Variants in CACNA2D2 observed in about 807,000 individuals in gnomAD.
CACNA2D2 encodes the protein calcium voltage-gated channel auxiliary subunit alpha2delta 2.
In CACNA2D2, 48 loss-of-function variants were observed where a neutral mutation model predicts 166.4. The observed-to-expected ratio is 0.29, with a 90% CI of 0.23 to 0.37. The LOEUF (loss-of-function observed/expected upper bound fraction) is 0.37. Ranked by LOEUF, CACNA2D2 falls within the 10% of genes least tolerant of loss-of-function variation. The probability of loss-of-function intolerance (pLI) is 1.00; values close to 1 mark genes in which losing one functional copy is unlikely to be tolerated. For synonymous variants in CACNA2D2, 561 were observed against 573.7 expected, an observed-to-expected ratio of 0.98 and a Z score of 0.32; for missense variants, 1,122 against 1,433.0, an observed-to-expected ratio of 0.78 and a Z score of 3.50.
chr3:50,414,480 T>C (rs1707175261), intron 3 of CACNA2D2, among the ~76,000 whole-genome samples: 1 of 152,134 alleles, frequency 6.6e-6, no homozygotes, highest in Non-Finnish European at 1.5e-5. Flanking sequence ...CTGCCTCCTC[T>C]AGGGTAAACC....
chr3:50,391,836 C>T (rs1705907390), intron 4 of CACNA2D2, among the ~76,000 whole-genome samples: 1 of 152,228 alleles, frequency 6.6e-6, no homozygotes, highest in Non-Finnish European at 1.5e-5. Flanking sequence ...CCAAGCATCT[C>T]CTCTGTGGCC....
In CACNA2D2 at chr3:50,367,837, C is replaced by A; in HGVS notation, c.2209G>T (p.Val737Leu). 6.2e-7 allele frequency: 1 copy of A among 1,613,556 alleles called. No homozygotes were observed. The highest frequency in any genetic ancestry group is 8.5e-7 in the Non-Finnish European group (1 of 1,179,908). The change falls in exon 25 of 38, where the codon GTG (valine) becomes TTG (leucine). Residue 737 changes from valine (V) to leucine (L), a missense_variant. Transcript: ENST00000424201. This position sits in a 1 kb window ranked among gnomAD's most constrained non-coding sequence, Gnocchi z 6.5. ...GTGTTGAGATCCTGGTCCCTCCACACACGCTCTACCAGCTGCTGCGTGATG... is the reference window on the plus strand; with the variant it reads ...GTGTTGAGATCCTGGTCCCTCCACAAACGCTCTACCAGCTGCTGCGTGATG... Reference protein sequence around the residue: ...TGITQQLVERVWRDQDLNTYS... With the variant: ...TGITQQLVERLWRDQDLNTYS...
intron 2 of CACNA2D2, among the ~76,000 whole-genome samples, chr3:50,447,088 G>A (rs1575700105): frequency 6.6e-6 from 1 of 152,302 alleles, no homozygotes; most frequent in African/African-American, 2.4e-5. Flanking sequence ...GTACCTTCCC[G>A]GCAGAGGAGC....
intron 2 of CACNA2D2, among the ~76,000 whole-genome samples, chr3:50,439,156 G>A (rs1708478686): frequency 6.6e-6 from 1 of 152,172 alleles, no homozygotes; most frequent in Admixed American, 6.5e-5. Flanking sequence ...AAAGCCATGG[G>A]AAAAGAGGCA....
chr3:50,386,032 C>A (rs1705587646), intron 5 of CACNA2D2, among the ~76,000 whole-genome samples: 1 of 151,498 alleles, frequency 6.6e-6, no homozygotes, highest in African/African-American at 2.4e-5. Context: ...TCTAACTGTA[C>A]CTCTGGCAAA....
At chr3:50,371,757 T>TG (rs1276058973) in intron 22 of CACNA2D2, among the ~76,000 whole-genome samples, 4 of 148,016 alleles carry the variant, frequency 2.7e-5, no homozygotes, top group Non-Finnish European at 6.0e-5. Context: ...GGGAAGGGGT[T>TG]GGGGGGAAGA....
chr3:50,466,907 G>A (rs1038164449), intron 2 of CACNA2D2, among the ~76,000 whole-genome samples: 9 of 152,254 alleles, frequency 5.9e-5, no homozygotes, highest in Non-Finnish European at 1.0e-4. Flanking sequence ...GAAGGCAGCA[G>A]CAAGTATCAG....
chr3:50,373,751 A>G (rs1260407828), intron 22 of CACNA2D2, among the ~76,000 whole-genome samples: 1 of 128,948 alleles, frequency 7.8e-6, no homozygotes, highest in Non-Finnish European at 1.6e-5. Flanking sequence ...AGAAGAGAGG[A>G]CAGTGCGTAA....
intron 3 of CACNA2D2, among the ~76,000 whole-genome samples, chr3:50,431,973 T>C (rs1453549417): frequency 1.6e-5 from 2 of 122,822 alleles, no homozygotes; most frequent in African/African-American, 3.6e-5. Context: ...TGACAGAGTG[T>C]CTGTCTCAAA....
intron 3 of CACNA2D2, among the ~76,000 whole-genome samples, chr3:50,409,450 T>C (rs1255919313): frequency 6.6e-6 from 1 of 152,212 alleles, no homozygotes; most frequent in African/African-American, 2.4e-5. Flanking sequence ...AATATATGGG[T>C]TGGCAAGGAA....
chr3:50,366,332 G>C lies in CACNA2D2; in HGVS notation c.2644C>G (p.Leu882Val). Residue 882 changes from leucine (L) to valine (V), a missense_variant, in exon 31 of 38, where the codon CTC (leucine) becomes GTC (valine). Coordinates refer to ENST00000424201, the MANE Select transcript of CACNA2D2 (RefSeq NM_006030.4). The surrounding 1 kb of genome is among the most constrained non-coding windows in gnomAD (Gnocchi z 5.9). ...CCTCCATCATCAATGAGGACACAGAGTAAGTCCTAGGAGGAAGGGAATGGG... is the reference window on the plus strand; with the variant it reads ...CCTCCATCATCAATGAGGACACAGACTAAGTCCTAGGAGGAAGGGAATGGG... The part of the protein sequence containing the change: ...MDCEVNNEDL[L>V]CVLIDDGGFL... The C allele has an allele frequency of 6.2e-7, 1 of 1,614,026 alleles. No homozygotes were observed. Among genetic ancestry groups the C allele is most frequent in the Non-Finnish European group, 8.5e-7 (1 of 1,179,960 alleles).
intron 5 of CACNA2D2, among the ~76,000 whole-genome samples, chr3:50,386,079 T>G (rs1231943657): frequency 6.7e-6 from 1 of 150,366 alleles, no homozygotes; most frequent in Non-Finnish European, 1.5e-5. Flanking sequence ...AGCAGGGGAG[T>G]TGGAAAATGT....
At chr3:50,442,049 G>A (rs777436759) in intron 2 of CACNA2D2, among the ~76,000 whole-genome samples, 2 of 152,238 alleles carry the variant, frequency 1.3e-5, no homozygotes, top group African/African-American at 2.4e-5. Flanking sequence ...GGCTGCCATC[G>A]TTAGATAACA....
intron 3 of CACNA2D2, among the ~76,000 whole-genome samples, chr3:50,419,274 G>A (rs1373549057): frequency 2.6e-5 from 4 of 152,180 alleles, no homozygotes; most frequent in Non-Finnish European, 4.4e-5. Flanking sequence ...ATGGGCTAAC[G>A]GATCACTGCC....
At chr3:50,499,498 T>C (rs111968181) in intron 1 of CACNA2D2, among the ~76,000 whole-genome samples, 9 of 152,336 alleles carry the variant, frequency 5.9e-5, no homozygotes, top group Admixed American at 5.2e-4. Flanking sequence ...ATCATTTCAA[T>C]TGTGGAAACT....
chr3:50,375,094 T>A lies in CACNA2D2; in HGVS notation c.1908-281A>T, dbSNP rs2106638132. Among the ~76,000 whole-genome samples, 1 of 152,248 alleles carries A rather than the reference T, an allele frequency of 6.6e-6. No individual in the cohort carries two copies. Among genetic ancestry groups the A allele is most frequent in the East Asian group, 1.9e-4 (1 of 5,170 alleles). Reference sequence around the variant, plus strand: ...CCAGCAGCCTCTCACAACAGCCCCCTGCCCAGCCAACCTCCCTCTGACCCA... The same window carrying A: ...CCAGCAGCCTCTCACAACAGCCCCCAGCCCAGCCAACCTCCCTCTGACCCA... On this transcript the variant is annotated intron_variant, in intron 21 of 37. Transcript: ENST00000424201. The surrounding 1 kb of genome is among the most constrained non-coding windows in gnomAD (Gnocchi z 4.0).
At chr3:50,390,799 C>T (rs1306655797) in intron 4 of CACNA2D2, among the ~76,000 whole-genome samples, 2 of 152,164 alleles carry the variant, frequency 1.3e-5, no homozygotes, top group Admixed American at 1.3e-4. Flanking sequence ...TCTCAGGGAA[C>T]AAGCTGAGGA....
intron 22 of CACNA2D2, among the ~76,000 whole-genome samples, chr3:50,373,661 T>TGA (rs1201667023): frequency 2.7e-5 from 1 of 37,220 alleles, no homozygotes; most frequent in East Asian, 5.4e-4. Context: ...GGAGGGAGAG[T>TGA]GAGAGAGAGA....
At chr3:50,495,231 C>T (rs1252482971) in intron 1 of CACNA2D2, among the ~76,000 whole-genome samples, 2 of 152,148 alleles carry the variant, frequency 1.3e-5, no homozygotes, top group South Asian at 2.1e-4. Flanking sequence ...AAGTCAGGGA[C>T]GCATGCAAAG....
Sources: gnomAD v4.1 joint callset for allele counts (sites outside exome capture counted in the v4.1 genomes callset) on GRCh38, gnomAD v4.1.1 for gene constraint, Gnocchi (gnomAD v3.1) non-coding constraint, MANE v1.5 for transcripts, NCBI Gene and HGNC (gene_info 2026-07-23, HGNC 2026-07-21) for gene names.